INPPL1: variants seen among roughly 807,000 people sequenced by gnomAD.
INPPL1 encodes the protein inositol polyphosphate phosphatase like 1.
Under a neutral mutation model 139.3 loss-of-function variants are expected in INPPL1, and 91 were observed. The observed-to-expected ratio is 0.65, with a 90% CI of 0.55 to 0.78. The LOEUF (loss-of-function observed/expected upper bound fraction) is 0.78, where lower values mean the gene tolerates loss of function less well. Ranked by LOEUF, INPPL1 falls within the 30% of genes least tolerant of loss-of-function variation. The probability of loss-of-function intolerance (pLI) is 0.00; values close to 1 mark genes in which losing one functional copy is unlikely to be tolerated. For missense variants in INPPL1, 1,411 were observed against 1,665.6 expected, an observed-to-expected ratio of 0.85 and a Z score of 2.66; for synonymous variants, 719 against 686.6, an observed-to-expected ratio of 1.05 and a Z score of -0.74.
Position 72,228,270 on chromosome 11 carries a change from CT to C in INPPL1, c.246+18del. On this transcript the variant is annotated intron_variant, in intron 2 of 27. Transcript: ENST00000298229. This position sits in a 1 kb window ranked among gnomAD's most constrained non-coding sequence, Gnocchi z 5.0. ...GCTGTGCAGGTAGGAGCTTGGGCCC[CT>C]GACCCCTGACCTTGATCCAGCCTAG... The C allele has an allele frequency of 6.2e-7, 1 of 1,614,144 alleles. No homozygotes were observed.
At position 72,235,518 on chromosome 11, in the gene INPPL1, G is replaced by A; in HGVS notation, c.2659+67G>A. 6.3e-7 allele frequency: 1 copy of A among 1,574,828 alleles called. No individual in the cohort carries two copies. Among genetic ancestry groups the A allele is most frequent in the Non-Finnish European group, 8.7e-7 (1 of 1,156,028 alleles). On this transcript the variant is annotated intron_variant, in intron 23 of 27. Coordinates refer to ENST00000298229, the MANE Select transcript of INPPL1 (RefSeq NM_001567.4). The surrounding 1 kb of genome is among the most constrained non-coding windows in gnomAD (Gnocchi z 4.9). Reference sequence around the variant, plus strand: ...GATCAAGGAGGGCAGGGTGCGGGGGGCATGTTGGAATCTCTGGGATACCTG... The same window carrying A: ...GATCAAGGAGGGCAGGGTGCGGGGGACATGTTGGAATCTCTGGGATACCTG...
Position 72,234,269 on chromosome 11 carries a change from CTTTCTCCTCAG to C in INPPL1, c.2213-11_2213-1del. The C allele has an allele frequency of 6.3e-7, 1 of 1,597,310 alleles. No homozygotes were observed. Among genetic ancestry groups the C allele is most frequent in the Non-Finnish European group, 8.6e-7 (1 of 1,164,940 alleles). ...TCAGTCCTCCTGTTTGTTCTCCTCC[CTTTCTCCTCAG>C]GGCTCTCAAAGACTTCAGACCAGGC... On this transcript the variant is annotated splice_acceptor_variant and splice_polypyrimidine_tract_variant and intron_variant, in intron 19 of 27. Transcript: ENST00000298229. LOFTEE classifies it high-confidence loss of function. This position sits in a 1 kb window ranked among gnomAD's most constrained non-coding sequence, Gnocchi z 4.2.
chr11:72,232,920 A>C lies in INPPL1; in HGVS notation c.1897A>C (p.Arg633=). The C allele has an allele frequency of 1.9e-6, 3 of 1,614,134 alleles. No homozygotes were observed. In the South Asian group the frequency reaches 3.3e-5, roughly 18 times the overall value. Residue 633 remains arginine, a synonymous_variant, in exon 16 of 28, where the codon AGG becomes CGG. Coordinates refer to ENST00000298229, the MANE Select transcript of INPPL1 (RefSeq NM_001567.4). ...ISRKEFEPLL[R]VDQLNLEREK... ...CAGGAAAGAGTTTGAGCCCCTCCTC[A>C]GGGTGGACCAGCTCAACCTGGAGCG...
Position 72,224,906 on chromosome 11 carries a change from C to T in INPPL1, c.-79C>T. ...CCTCAAGCCCGGGCCCCGGGCCCGG[C>T]CCCAGCCTCAGCCCTGAGCGTCTCG... On this transcript the variant is annotated 5_prime_UTR_variant, in exon 1 of 28. Coordinates refer to ENST00000298229, the MANE Select transcript of INPPL1 (RefSeq NM_001567.4). The T allele has an allele frequency of 1.0e-6, 1 of 972,320 alleles. No homozygotes were observed. 60.2% of individuals were successfully genotyped at this position (972,320 alleles called of 1,614,324 possible). A position where few individuals can be genotyped will look rare whatever the true frequency, so the allele number is the denominator to read the frequency against.
rs1399829608 is a variant in INPPL1, at chr11:72,232,447, C to T, written c.1712+111C>T. 7.4e-6 allele frequency: 9 copies of T among 1,211,352 alleles called. No individual in the cohort carries two copies. The East Asian group carries it at 1.0e-4, about 14-fold the overall frequency. The allele number at this position is 1,211,352 out of a possible 1,614,324, so 75.0% of individuals were successfully genotyped here. On this transcript the variant is annotated intron_variant, in intron 14 of 27. Coordinates refer to ENST00000298229, the MANE Select transcript of INPPL1 (RefSeq NM_001567.4). Reference sequence around the variant, plus strand: ...CCTCCCGCAGGCCTGTCTCCAGAGACCCCCTGCTCTCTTATCCCAATTCAA... The same window carrying T: ...CCTCCCGCAGGCCTGTCTCCAGAGATCCCCTGCTCTCTTATCCCAATTCAA...
chr11:72,231,081 C>G lies in INPPL1; in HGVS notation c.1389C>G (p.Pro463=). The part of the protein sequence containing the change: ...KTLDEVTVTI[P]HDIYVFGTQE... ...TGGACGAGGTCACAGTGACCATACC[C>G]CATGACATCTATGTCTTTGGGACCC... is the stretch of plus-strand genomic sequence containing the variant. The change falls in exon 12 of 28, where the codon CCC becomes CCG. Residue 463 remains proline (P), a synonymous_variant. Transcript: ENST00000298229. 6.2e-7 allele frequency: 1 copy of G among 1,614,126 alleles called. No homozygotes were observed.
intron 7 of INPPL1, 27 bp downstream of exon 7, chr11:72,229,779 C>A: frequency 6.2e-7 from 1 of 1,600,974 alleles, no homozygotes; most frequent in Non-Finnish European, 8.6e-7. Context: ...CCCTTGACCC[C>A]CGATTCACTG....
intron 14 of INPPL1, 93 bp downstream of exon 14, chr11:72,232,429 C>T: frequency 7.8e-7 from 1 of 1,281,696 alleles, no homozygotes; most frequent in Non-Finnish European, 1.1e-6. Context: ...GACCCTCCCG[C>T]AGGCCTGTCT....
Position 72,230,351 on chromosome 11 carries a change from C to T in INPPL1, c.1091-11C>T. 6 of 1,613,944 alleles carry T rather than the reference C, an allele frequency of 3.7e-6. No homozygotes were observed. The highest frequency in any genetic ancestry group is 5.1e-6 in the Non-Finnish European group (6 of 1,179,974). On this transcript the variant is annotated splice_polypyrimidine_tract_variant and intron_variant, in intron 9 of 27. Transcript: ENST00000298229. ...GGCACAGGCCCATGTGACCGGTCCT[C>T]CATGCCCTAGTCCGCCAGCTCATTA...
In INPPL1 at chr11:72,231,274, A is replaced by T. The variant is rs552448338; in HGVS notation, c.1497+85A>T. 49 of 1,323,426 alleles carry T rather than the reference A, an allele frequency of 3.7e-5. No homozygotes were observed. The South Asian group carries it at 5.5e-4, about 15-fold the overall frequency. The allele number at this position is 1,323,426 out of a possible 1,614,324, so 82.0% of individuals were successfully genotyped here. A position where few individuals can be genotyped will look rare whatever the true frequency, so the allele number is the denominator to read the frequency against. On this transcript the variant is annotated intron_variant, in intron 12 of 27. Transcript: ENST00000298229. ...ACTTGACTTCATGGGCAACCCTGGG[A>T]GCACAGCTTCACTGGCTTTTTCTCT...
chr11:72,234,755 G>T lies in INPPL1; in HGVS notation c.2415+140G>T. ...AGAGTGTGTGTGTGTGTGTGTGTGT[G>T]TGTGTGTGTATGGGCATGGGCATGA... is the stretch of plus-strand genomic sequence containing the variant. On this transcript the variant is annotated intron_variant, in intron 21 of 27. Transcript: ENST00000298229. This position sits in a 1 kb window ranked among gnomAD's most constrained non-coding sequence, Gnocchi z 4.2. 2 of 647,700 alleles carry T rather than the reference G, an allele frequency of 3.1e-6. No individual in the cohort carries two copies. Among genetic ancestry groups the T allele is most frequent in the East Asian group, 5.5e-5 (2 of 36,620 alleles). 40.1% of individuals were successfully genotyped at this position (647,700 alleles called of 1,614,324 possible).
In INPPL1 at chr11:72,230,872, CAG is replaced by C; in HGVS notation, c.1275_1276del (p.Val426LeufsTer39). The C allele has an allele frequency of 6.2e-7, 1 of 1,614,066 alleles. No homozygotes were observed. Among genetic ancestry groups the C allele is most frequent in the Non-Finnish European group, 8.5e-7 (1 of 1,179,996 alleles). On this transcript the variant is annotated frameshift_variant, in exon 11 of 28. Transcript: ENST00000298229. LOFTEE classifies it high-confidence loss of function. The stretch of plus-strand genomic sequence containing the variant: ...AAGCAGGACGAGCCCGACATGATCT[CAG>C]TCTTCATAGGCACCTGGAACATGGG...
In INPPL1 at chr11:72,225,320, TGAG is replaced by T. The variant is rs993984898; in HGVS notation, c.182+159_182+161del. The T allele has an allele frequency of 3.0e-6, 3 of 985,242 alleles. No individual in the cohort carries two copies. In the African/African-American group the frequency reaches 5.2e-5, roughly 17 times the overall value. The allele number at this position is 985,242 out of a possible 1,614,324, so 61.0% of individuals were successfully genotyped here. On this transcript the variant is annotated intron_variant, in intron 1 of 27. Transcript: ENST00000298229. ...GGGAGCCTTGGCTTTCTCCTGGGTC[TGAG>T]GAGGGACGCAGGGGCACTTCCTGCT...
Position 72,228,075 on chromosome 11 carries a change from A to G in INPPL1, c.183-115A>G, listed in dbSNP as rs1948723753. The G allele has an allele frequency of 3.8e-6, 4 of 1,058,584 alleles. No individual in the cohort carries two copies. Among genetic ancestry groups the G allele is most frequent in the Non-Finnish European group, 5.8e-6 (4 of 688,300 alleles). The allele number at this position is 1,058,584 out of a possible 1,614,324, so 65.6% of individuals were successfully genotyped here. ...CTGTGCAGCCTGGGCAGGTGGTTTT[A>G]GGGAAACCAAGCTGAGGGGGTTGGG... On this transcript the variant is annotated intron_variant, in intron 1 of 27. Transcript: ENST00000298229. This position sits in a 1 kb window ranked among gnomAD's most constrained non-coding sequence, Gnocchi z 5.0.
chr11:72,227,952 G>A (rs1948720206), intron 1 of INPPL1: 1 of 551,182 alleles, frequency 1.8e-6, no homozygotes, highest in Non-Finnish European at 3.3e-6. Context: ...TGGGTGTGGA[G>A]TCTGTGTAGG....
In INPPL1 at chr11:72,228,874, C is replaced by T. The variant is rs773408975; in HGVS notation, c.518+27C>T. 1.9e-6 allele frequency: 3 copies of T among 1,556,348 alleles called. No individual in the cohort carries two copies. The highest frequency in any genetic ancestry group is 1.2e-5 in the South Asian group (1 of 81,330). ...TGAGACCCCCATCCCATCCACTGAA[C>T]AGGAGACCCTTTCTCCTCTGAGAAC... On this transcript the variant is annotated intron_variant, in intron 4 of 27. Transcript: ENST00000298229. This position sits in a 1 kb window ranked among gnomAD's most constrained non-coding sequence, Gnocchi z 5.0.
In INPPL1 at chr11:72,234,748, T is replaced by A. The variant is rs1478477646; in HGVS notation, c.2415+133T>A. 2.2e-5 allele frequency: 14 copies of A among 644,538 alleles called. No individual in the cohort carries two copies. Among genetic ancestry groups the A allele is most frequent in the African/African-American group, 2.0e-4 (11 of 54,602 alleles). 39.9% of individuals were successfully genotyped at this position (644,538 alleles called of 1,614,324 possible). ...GAGAGAGAGAGTGTGTGTGTGTGTG[T>A]GTGTGTGTGTGTGTGTATGGGCATG... is the stretch of plus-strand genomic sequence containing the variant. On this transcript the variant is annotated intron_variant, in intron 21 of 27. Transcript: ENST00000298229. The surrounding 1 kb of genome is among the most constrained non-coding windows in gnomAD (Gnocchi z 4.2).
chr11:72,225,224 G>T, intron 1 of INPPL1, 58 bp downstream of exon 1: 2 of 1,226,384 alleles, frequency 1.6e-6, no homozygotes, highest in East Asian at 3.2e-5. Flanking sequence ...GGGCACGGCC[G>T]GGTGTGGAAA....
At chr11:72,225,443 C>G in intron 1 of INPPL1, 1 of 985,366 alleles carries the variant, frequency 1.0e-6, no homozygotes, top group Non-Finnish European at 1.2e-6. Flanking sequence ...CGGGCATTCC[C>G]CGGCAGACCC....
Sources: allele counts gnomAD v4.1 joint callset, GRCh38; gene constraint gnomAD v4.1.1; non-coding constraint Gnocchi (gnomAD v3.1); transcripts MANE v1.5; gene names NCBI Gene and HGNC (gene_info 2026-07-23, HGNC 2026-07-21).